MACROD1: variants seen among roughly 807,000 people sequenced by gnomAD.
MACROD1 encodes mono-ADP ribosylhydrolase 1.
A neutral mutation model predicts 41.4 loss-of-function variants in MACROD1; 31 were observed. The ratio of observed to expected loss-of-function variants is 0.75; its 90% CI spans 0.56 to 1.01. The LOEUF (loss-of-function observed/expected upper bound fraction) is 1.01, where lower values mean the gene tolerates loss of function less well. Ranked by LOEUF, MACROD1 falls within the 50% of genes least tolerant of loss-of-function variation. The probability of loss-of-function intolerance (pLI) is 0.00; values close to 1 mark genes in which losing one functional copy is unlikely to be tolerated. For synonymous variants in MACROD1, 252 were observed against 203.4 expected, an observed-to-expected ratio of 1.24 and a Z score of -2.03; for missense variants, 473 against 460.0, an observed-to-expected ratio of 1.03 and a Z score of -0.26.
chr11:64,049,477 G>C (rs1028052537), intron 3 of MACROD1, among the ~76,000 whole-genome samples: 2 of 152,194 alleles, frequency 1.3e-5, no homozygotes, highest in African/African-American at 2.4e-5. Flanking sequence ...CAACCTTATG[G>C]GGGAGGTATG....
intron 3 of MACROD1, among the ~76,000 whole-genome samples, chr11:64,075,085 T>C (rs370278993): frequency 3.9e-4 from 59 of 152,374 alleles, no homozygotes; most frequent in Middle Eastern, 3.4e-3. Flanking sequence ...TGGGCTCCAC[T>C]GTGGCTTCAG....
chr11:64,001,447 A>G, intron 4 of MACROD1: 1 of 702,332 alleles, frequency 1.4e-6, no homozygotes, highest in Non-Finnish European at 2.6e-6. Context: ...ATCATTCCCC[A>G]TTTTACAGAT....
chr11:64,083,867 G>T (rs1944345761), intron 3 of MACROD1, among the ~76,000 whole-genome samples: 1 of 152,224 alleles, frequency 6.6e-6, no homozygotes, highest in Admixed American at 6.5e-5. Context: ...CTGACCTGGG[G>T]GGTGCTGGGC....
chr11:64,138,967 A>G (rs1417921659), intron 3 of MACROD1, among the ~76,000 whole-genome samples: 1 of 152,104 alleles, frequency 6.6e-6, no homozygotes, highest in Admixed American at 6.5e-5. Context: ...GGGTTTCACT[A>G]TCTTGGCCAG....
At chr11:64,144,982 T>G (rs888217967) in intron 3 of MACROD1, among the ~76,000 whole-genome samples, 1 of 151,860 alleles carries the variant, frequency 6.6e-6, no homozygotes, top group East Asian at 1.9e-4. Flanking sequence ...CAGGGGCGGG[T>G]GGCCGCTCAG....
At chr11:64,141,597 T>A (rs1001011924) in intron 3 of MACROD1, among the ~76,000 whole-genome samples, 14 of 152,214 alleles carry the variant, frequency 9.2e-5, no homozygotes, top group African/African-American at 3.4e-4. Flanking sequence ...CTTTTCATGC[T>A]TGGCCAATTT....
chr11:64,023,826 G>A (rs1943190639), intron 3 of MACROD1, among the ~76,000 whole-genome samples: 1 of 152,150 alleles, frequency 6.6e-6, no homozygotes, highest in Non-Finnish European at 1.5e-5. Flanking sequence ...GTCTAATCGA[G>A]GCATCCCACC....
chr11:64,072,836 C>T lies in MACROD1; in HGVS notation c.518-57555G>A, dbSNP rs150597085. ...GTGGCTCAGTGGTCCCCAACCAGAG[C>T]GTCTGAGGGTCTGTGAACCCCGAAT... On this transcript the variant is annotated intron_variant, in intron 3 of 10. Coordinates refer to ENST00000255681, the MANE Select transcript of MACROD1 (RefSeq NM_014067.4). Among the ~76,000 whole-genome samples, 426 of 152,320 alleles carry T rather than the reference C, an allele frequency of 2.8e-3. 2 individuals carry two copies. Among genetic ancestry groups the T allele is most frequent in the African/African-American group, 9.7e-3 (404 of 41,548 alleles).
At chr11:64,103,242 C>T (rs1437798954) in intron 3 of MACROD1, 2 of 152,272 alleles carry the variant, frequency 1.3e-5, no homozygotes, top group Non-Finnish European at 2.9e-5. Flanking sequence ...TTTGGACAGA[C>T]AAGACCAGAG....
chr11:64,165,985 G>T lies in MACROD1; in HGVS notation c.10C>A (p.Gln4Lys), dbSNP rs886387391. The T allele has an allele frequency of 3.9e-6, 5 of 1,274,734 alleles. No individual in the cohort carries two copies. The highest frequency in any genetic ancestry group is 3.1e-5 in the African/African-American group (2 of 64,556). The allele number at this position is 1,274,734 out of a possible 1,614,324, so 79.0% of individuals were successfully genotyped here. Residue 4 changes from glutamine (Q) to lysine (K), a missense_variant, in exon 1 of 11, where the codon CAG becomes AAG. Transcript: ENST00000255681. Reference sequence around the variant, plus strand: ...GCCAGGCGGCCGGACAGTCGGCTCTGTAGAGACATGAGCGGGCGGCGCGGG... The same window carrying T: ...GCCAGGCGGCCGGACAGTCGGCTCTTTAGAGACATGAGCGGGCGGCGCGGG... The part of the protein sequence containing the change: MSL[Q>K]SRLSGRLAQL...
chr11:64,084,878 G>A (rs748900870), intron 3 of MACROD1, among the ~76,000 whole-genome samples: 20 of 152,248 alleles, frequency 1.3e-4, no homozygotes, highest in Non-Finnish European at 2.9e-4. Context: ...CACAGGGAGA[G>A]CTGCGTGTGT....
chr11:64,140,045 C>T (rs1213555593), intron 3 of MACROD1, among the ~76,000 whole-genome samples: 3 of 152,118 alleles, frequency 2.0e-5, no homozygotes, highest in Non-Finnish European at 4.4e-5. Context: ...CAGCCACTGC[C>T]CTGGCCTCTG....
chr11:64,034,217 T>G (rs1355888079), intron 3 of MACROD1, among the ~76,000 whole-genome samples: 1 of 152,178 alleles, frequency 6.6e-6, no homozygotes, highest in Non-Finnish European at 1.5e-5. Flanking sequence ...GGGCCACACG[T>G]CCATCTGGGG....
At chr11:64,116,880 C>G in intron 3 of MACROD1, 1 of 1,611,734 alleles carries the variant, frequency 6.2e-7, no homozygotes, top group Non-Finnish European at 8.5e-7. Context: ...GGAGCTGCGG[C>G]TGGATGACAA....
intron 3 of MACROD1, among the ~76,000 whole-genome samples, chr11:64,114,626 G>T (rs908644548): frequency 5.9e-5 from 9 of 151,582 alleles, no homozygotes; most frequent in African/African-American, 2.2e-4. Context: ...TGGATGGACA[G>T]GTGCATGCAT....
chr11:64,131,505 T>G (rs1945265746), intron 3 of MACROD1, among the ~76,000 whole-genome samples: 1 of 152,158 alleles, frequency 6.6e-6, no homozygotes, highest in Admixed American at 6.5e-5. Flanking sequence ...TTTTGTATTT[T>G]TACTAGAGAT....
rs11231708 is a variant in MACROD1 at position 64,145,823 on chromosome 11, G to A, written c.517+5416C>T. Among the ~76,000 whole-genome samples the A allele has an allele frequency of 5.5e-4, 83 of 151,910 alleles. No homozygotes were observed. In the East Asian group the frequency reaches 0.015, roughly 28 times the overall value. ...TGTCACCCAGCAACCAGGATGGAGT[G>A]CAGTGGCACAATCTCGGCTCACCGC... is the stretch of plus-strand genomic sequence containing the variant. On this transcript the variant is annotated intron_variant, in intron 3 of 10. Transcript: ENST00000255681.
At chr11:64,089,345 C>T (rs1011775163) in intron 3 of MACROD1, among the ~76,000 whole-genome samples, 5 of 152,162 alleles carry the variant, frequency 3.3e-5, no homozygotes, top group African/African-American at 9.7e-5. Flanking sequence ...GACCCAAACT[C>T]GGTCAAAATA....
At chr11:64,165,469 T>G (rs1434893971) in intron 1 of MACROD1, among the ~76,000 whole-genome samples, 1 of 151,926 alleles carries the variant, frequency 6.6e-6, no homozygotes, top group Non-Finnish European at 1.5e-5. Context: ...GCCCCCTGCG[T>G]GGACACTTGG....
Sources: allele counts gnomAD v4.1 joint callset (sites outside exome capture counted in the v4.1 genomes callset), GRCh38; gene constraint gnomAD v4.1.1; transcripts MANE v1.5; gene names NCBI Gene and HGNC (gene_info 2026-07-23, HGNC 2026-07-21).